PATJ: variants seen among roughly 807,000 people sequenced by gnomAD.
The protein encoded by PATJ is inaD-like protein.
In PATJ, 190 loss-of-function variants were observed where a neutral mutation model predicts 224.9. That is an observed-to-expected ratio of 0.84 (90% confidence interval 0.75 to 0.95). The LOEUF is 0.95. Ranked by LOEUF, PATJ falls within the 40% of genes least tolerant of loss-of-function variation. The pLI is 0.00. For missense variants in PATJ, 2,121 were observed against 2,270.3 expected, an observed-to-expected ratio of 0.93 and a Z score of 1.34; for synonymous variants, 769 against 820.3, an observed-to-expected ratio of 0.94 and a Z score of 1.07.
chr1:61,891,998 T>G (rs1669671493), intron 22 of PATJ, among the ~76,000 whole-genome samples: 1 of 152,234 alleles, frequency 6.6e-6, no homozygotes, highest in African/African-American at 2.4e-5. Context: ...ACTTTTTTTA[T>G]GTCTACCTTC....
intron 14 of PATJ, among the ~76,000 whole-genome samples, chr1:61,813,623 C>T (rs1279657683): frequency 6.6e-6 from 1 of 151,766 alleles, no homozygotes; most frequent in African/African-American, 2.4e-5. Context: ...TCCTATAGAA[C>T]TTATATTTTA....
At chr1:61,873,481 A>G (rs981531616) in intron 20 of PATJ, among the ~76,000 whole-genome samples, 4 of 152,206 alleles carry the variant, frequency 2.6e-5, no homozygotes. Context: ...AAAATTTTTT[A>G]AAATATAAAA....
intron 28 of PATJ, among the ~76,000 whole-genome samples, chr1:61,997,985 TATA>T (rs1442739019): frequency 0.039 from 4,612 of 117,608 alleles, 434 homozygotes; most frequent in African/African-American, 0.11. Flanking sequence ...GCCCAGCTTA[TATA>T]TGTATATATA....
intron 11 of PATJ, among the ~76,000 whole-genome samples, chr1:61,797,777 T>G (rs1337403449): frequency 2.6e-5 from 4 of 152,216 alleles, no homozygotes; most frequent in African/African-American, 9.6e-5. Flanking sequence ...GTCTAATACT[T>G]TGACATTTTG....
intron 30 of PATJ, among the ~76,000 whole-genome samples, chr1:62,043,842 C>T (rs1000506390): frequency 6.6e-6 from 1 of 152,008 alleles, no homozygotes; most frequent in African/African-American, 2.4e-5. Context: ...ATATTCCTGC[C>T]TCAGCCTCCT....
intron 17 of PATJ, among the ~76,000 whole-genome samples, chr1:61,842,418 A>G (rs905153552): frequency 5.3e-5 from 8 of 152,148 alleles, no homozygotes; most frequent in Non-Finnish European, 1.0e-4. Context: ...GCAAGCAGCA[A>G]ATGCTTGTCA....
At chr1:61,821,288 T>G (rs924452411) in intron 14 of PATJ, among the ~76,000 whole-genome samples, 1 of 151,904 alleles carries the variant, frequency 6.6e-6, no homozygotes, top group Non-Finnish European at 1.5e-5. Context: ...CTTGTGATCC[T>G]CCCGCTCGGC....
intron 29 of PATJ, among the ~76,000 whole-genome samples, chr1:62,020,845 A>T (rs1226576807): frequency 6.6e-6 from 1 of 152,198 alleles, no homozygotes; most frequent in African/African-American, 2.4e-5. Flanking sequence ...ATTTATTTTG[A>T]GACAGAGTCT....
At chr1:62,102,799 G>A (rs1353663428) in intron 33 of PATJ, among the ~76,000 whole-genome samples, 7 of 143,332 alleles carry the variant, frequency 4.9e-5, no homozygotes, top group Non-Finnish European at 1.0e-4. Flanking sequence ...GGCCCACTTT[G>A]CTGTGAGCCA....
intron 8 of PATJ, among the ~76,000 whole-genome samples, chr1:61,789,855 T>A (rs1649411787): frequency 6.6e-6 from 1 of 152,158 alleles, no homozygotes; most frequent in Non-Finnish European, 1.5e-5. Context: ...CATTTTCTTT[T>A]TCCTCCATTA....
At chr1:62,136,014 GA>G (rs1490252019) in intron 41 of PATJ, among the ~76,000 whole-genome samples, 3 of 81,214 alleles carry the variant, frequency 3.7e-5, no homozygotes, top group Non-Finnish European at 5.3e-5. Context: ...CAGACCATTA[GA>G]TTTTTTTTTT....
intron 1 of PATJ, among the ~76,000 whole-genome samples, chr1:61,745,717 C>G (rs926197363): frequency 4.6e-5 from 7 of 151,550 alleles, no homozygotes; most frequent in African/African-American, 1.7e-4. Context: ...GCTTCTCTTG[C>G]CTCAGCTTCC....
At chr1:62,106,020 C>CCAGCA (rs1662870742) in intron 33 of PATJ, among the ~76,000 whole-genome samples, 1 of 102,772 alleles carries the variant, frequency 9.7e-6, no homozygotes, top group Non-Finnish European at 1.9e-5. Flanking sequence ...CCCAGGAGTT[C>CCAGCA]TGGGCAACAT....
At chr1:61,902,094 G>A (rs1460356027) in intron 24 of PATJ, among the ~76,000 whole-genome samples, 1 of 152,008 alleles carries the variant, frequency 6.6e-6, no homozygotes, top group Non-Finnish European at 1.5e-5. Flanking sequence ...AGTGGCACGT[G>A]CCTGTATTCC....
At chr1:62,155,321 T>C (rs1669070523) in intron 43 of PATJ, among the ~76,000 whole-genome samples, 1 of 152,180 alleles carries the variant, frequency 6.6e-6, no homozygotes, top group African/African-American at 2.4e-5. Context: ...CTTAGCAGAC[T>C]GCCCCAGCTG....
chr1:62,024,438 T>C (rs1647376848), intron 29 of PATJ, among the ~76,000 whole-genome samples: 1 of 152,166 alleles, frequency 6.6e-6, no homozygotes, highest in Non-Finnish European at 1.5e-5. Context: ...TAATTTTTTC[T>C]TTGCTACGTC....
intron 33 of PATJ, among the ~76,000 whole-genome samples, chr1:62,098,557 T>C (rs574288424): frequency 6.6e-5 from 10 of 151,574 alleles, no homozygotes; most frequent in Non-Finnish European, 1.3e-4. Flanking sequence ...ATTGTGCCAT[T>C]GCACTCCAGT....
intron 33 of PATJ, among the ~76,000 whole-genome samples, chr1:62,100,138 G>A (rs1293154600): frequency 6.6e-6 from 1 of 152,150 alleles, no homozygotes; most frequent in Non-Finnish European, 1.5e-5. Context: ...TGCTCTCTGA[G>A]CTAAAGTAAA....
intron 27 of PATJ, among the ~76,000 whole-genome samples, chr1:61,943,950 C>A (rs941494943): frequency 2.0e-5 from 3 of 152,164 alleles, no homozygotes; most frequent in Admixed American, 6.5e-5. Context: ...GATACCCAGG[C>A]AAACAGGGTC....
Sources: allele counts gnomAD v4.1 joint callset (sites outside exome capture counted in the v4.1 genomes callset), GRCh38; gene constraint gnomAD v4.1.1; transcripts MANE v1.5; gene names NCBI Gene and HGNC (gene_info 2026-07-23, HGNC 2026-07-21).